The following HERC4 variants were observed in gnomAD, a reference collection of about 807,000 sequenced individuals.
HERC4 encodes the protein probable E3 ubiquitin-protein ligase HERC4.
HERC4 carries 28 observed loss-of-function variants against 124.3 expected under a neutral mutation model. That is an observed-to-expected ratio of 0.23 (90% confidence interval 0.17 to 0.31). The LOEUF is 0.31. Among genes scored for constraint, HERC4 ranks in the 10% least tolerant of loss-of-function variants. The pLI is 1.00. For synonymous variants in HERC4, 407 were observed against 421.5 expected, an observed-to-expected ratio of 0.97 and a Z score of 0.42; for missense variants, 713 against 1,229.3, an observed-to-expected ratio of 0.58 and a Z score of 6.28.
At chr10:68,002,247 C>T (rs1299458117) in intron 9 of HERC4, among the ~76,000 whole-genome samples, 2 of 151,956 alleles carry the variant, frequency 1.3e-5, no homozygotes, top group Admixed American at 6.6e-5. Context: ...ATAGTATCCT[C>T]GTCACTGTGA....
At chr10:67,953,878 T>C (rs1225507053) in intron 19 of HERC4, among the ~76,000 whole-genome samples, 2 of 152,030 alleles carry the variant, frequency 1.3e-5, no homozygotes, top group African/African-American at 4.8e-5. Context: ...TGAATTAGAG[T>C]CTAGGCACTA....
rs550547662 is a variant in HERC4, at chr10:68,052,453, C to T, written c.227-7890G>A. 1.1e-4 allele frequency among the ~76,000 whole-genome samples: 17 copies of T among 152,160 alleles called. No homozygotes were observed. The South Asian group carries it at 3.5e-3, about 32-fold the overall frequency. ...CATTTCTACATCATCTGTGTCCTTC[C>T]AATCACCTTTGTAGGCAAATCCAAC... On this transcript the variant is annotated intron_variant, in intron 3 of 24. Coordinates refer to ENST00000373700, the MANE Select transcript of HERC4 (RefSeq NM_015601.4).
At chr10:67,940,616 G>C (rs183936510) in intron 20 of HERC4, among the ~76,000 whole-genome samples, 1 of 151,888 alleles carries the variant, frequency 6.6e-6, no homozygotes, top group East Asian at 1.9e-4. Context: ...ATGGGGTTTC[G>C]CCATGTTGGT....
At chr10:67,944,740 G>C (rs1218946307) in intron 19 of HERC4, among the ~76,000 whole-genome samples, 3 of 152,164 alleles carry the variant, frequency 2.0e-5, no homozygotes, top group East Asian at 3.8e-4. Context: ...AATCCTATCA[G>C]ATAAATTTAA....
At chr10:68,037,085 TTTC>T (rs1333252170) in intron 5 of HERC4, among the ~76,000 whole-genome samples, 1 of 143,624 alleles carries the variant, frequency 7.0e-6, no homozygotes, top group Non-Finnish European at 1.5e-5. Flanking sequence ...ATGGAACCTA[TTTC>T]TTCTTTTTTT....
At chr10:68,066,836 T>C (rs1326080216) in intron 3 of HERC4, among the ~76,000 whole-genome samples, 1 of 152,224 alleles carries the variant, frequency 6.6e-6, no homozygotes, top group Non-Finnish European at 1.5e-5. Context: ...AGAGTTATAC[T>C]GAAGTATCAA....
Position 68,033,962 on chromosome 10 carries a change from T to C in HERC4, c.685+3A>G, listed in dbSNP as rs756863154. On this transcript the variant is annotated splice_donor_region_variant and intron_variant, in intron 6 of 24. Coordinates refer to ENST00000373700, the MANE Select transcript of HERC4 (RefSeq NM_015601.4). ...ACTTAAACTATACATAATGAGAACC[T>C]ACCATTTTCATCATTAAGACCTAGC... 1.9e-5 allele frequency: 30 copies of C among 1,611,228 alleles called. No individual in the cohort carries two copies. The South Asian group carries it at 3.3e-4, about 18-fold the overall frequency.
chr10:67,997,631 G>T (rs969798458), intron 9 of HERC4, among the ~76,000 whole-genome samples: 1 of 152,066 alleles, frequency 6.6e-6, no homozygotes, highest in Non-Finnish European at 1.5e-5. Flanking sequence ...ACTGTATTTG[G>T]AGATAAGGGC....
chr10:67,969,409 C>T (rs571484568), intron 15 of HERC4, among the ~76,000 whole-genome samples: 1 of 152,286 alleles, frequency 6.6e-6, no homozygotes, highest in South Asian at 2.1e-4. Flanking sequence ...CACTCACTCA[C>T]AGCCTCTTGT....
chr10:68,045,537 A>C (rs1469612791), intron 3 of HERC4, among the ~76,000 whole-genome samples: 2 of 152,214 alleles, frequency 1.3e-5, no homozygotes, highest in Non-Finnish European at 1.5e-5. Context: ...CAATTTTTAA[A>C]ACAGAAATTA....
At chr10:67,927,381 T>C (rs906757798) in intron 23 of HERC4, among the ~76,000 whole-genome samples, 2 of 12,808 alleles carry the variant, frequency 1.6e-4, no homozygotes, top group Non-Finnish European at 2.9e-4. Flanking sequence ...AAATACACCA[T>C]ATATATATAT....
chr10:68,058,709 T>C (rs1171864412), intron 3 of HERC4, among the ~76,000 whole-genome samples: 1 of 152,004 alleles, frequency 6.6e-6, no homozygotes, highest in Non-Finnish European at 1.5e-5. Flanking sequence ...CTGCAGCTAC[T>C]CTAGGAGTTT....
chr10:67,932,896 G>A (rs957758986), intron 22 of HERC4, 116 bp from the exon 23 acceptor site: 14 of 818,262 alleles, frequency 1.7e-5, no homozygotes, highest in Middle Eastern at 2.6e-4. Context: ...CTACGAAACT[G>A]AGAATGTATG....
chr10:68,008,795 AATAG>A (rs2037747664), intron 9 of HERC4, among the ~76,000 whole-genome samples: 3 of 152,364 alleles, frequency 2.0e-5, no homozygotes, highest in Admixed American at 6.5e-5. Context: ...CTGATATATG[AATAG>A]ATAAACAAAA....
intron 8 of HERC4, among the ~76,000 whole-genome samples, chr10:68,020,493 G>A (rs537108611): frequency 4.6e-5 from 7 of 152,166 alleles, no homozygotes; most frequent in East Asian, 1.9e-4. Context: ...TGGGCCGGGC[G>A]CGGTGGCTCA....
intron 15 of HERC4, among the ~76,000 whole-genome samples, chr10:67,978,029 A>T (rs1368661932): frequency 6.6e-6 from 1 of 150,848 alleles, no homozygotes; most frequent in Non-Finnish European, 1.5e-5. Flanking sequence ...TAATCCCAGC[A>T]AGTTTGGGAG....
intron 9 of HERC4, among the ~76,000 whole-genome samples, chr10:67,998,544 C>T (rs1269684713): frequency 1.2e-5 from 1 of 84,506 alleles, no homozygotes; most frequent in Non-Finnish European, 2.4e-5. Context: ...GACACTCCAC[C>T]TCAATTGAAA....
At chr10:68,054,316 TA>T (rs2040449867) in intron 3 of HERC4, among the ~76,000 whole-genome samples, 1 of 152,074 alleles carries the variant, frequency 6.6e-6, no homozygotes, top group African/African-American at 2.4e-5. Flanking sequence ...TTTGTTTTAT[TA>T]AACAACTGAA....
intron 7 of HERC4, among the ~76,000 whole-genome samples, chr10:68,026,601 T>G (rs2038912381): frequency 6.6e-6 from 1 of 151,986 alleles, no homozygotes; most frequent in Non-Finnish European, 1.5e-5. Flanking sequence ...CCCAGCACTT[T>G]GGGAGGCCGA....
Sources: allele counts gnomAD v4.1 joint callset (sites outside exome capture counted in the v4.1 genomes callset), GRCh38; gene constraint gnomAD v4.1.1; transcripts MANE v1.5; gene names NCBI Gene and HGNC (gene_info 2026-07-23, HGNC 2026-07-21).